CACNA1A: variants seen among roughly 807,000 people sequenced by gnomAD.
The protein encoded by CACNA1A is calcium voltage-gated channel subunit alpha1 A, also known as voltage-dependent P/Q-type calcium channel subunit alpha-1A.
In CACNA1A, 57 loss-of-function variants were observed where a neutral mutation model predicts 262.4. The ratio of observed to expected loss-of-function variants is 0.22; its 90% CI spans 0.18 to 0.27. The LOEUF (loss-of-function observed/expected upper bound fraction) is 0.27. Ranked by LOEUF, CACNA1A falls within the 10% of genes least tolerant of loss-of-function variation. The probability of loss-of-function intolerance (pLI) is 1.00; values close to 1 mark genes in which losing one functional copy is unlikely to be tolerated. For missense variants in CACNA1A, 2,526 were observed against 3,562.8 expected (o/e 0.71, Z 7.41); for synonymous variants, 1,431 against 1,419.3 (o/e 1.01, Z -0.18).
At chr19:13,334,033 T>G in intron 8 of CACNA1A, 1 of 210,738 alleles carries the variant, frequency 4.7e-6, no homozygotes. Context: ...TACTAAATAC[T>G]CCAATAGTAC....
chr19:13,360,895 T>C (rs1449269543), intron 5 of CACNA1A, among the ~76,000 whole-genome samples: 1 of 152,264 alleles, frequency 6.6e-6, no homozygotes, highest in Non-Finnish European at 1.5e-5. Flanking sequence ...TCCAGCTTAA[T>C]TGCATTACGG....
chr19:13,277,155 G>A (rs1486672723), intron 22 of CACNA1A, 27 bp from the exon 23 acceptor site: 1 of 1,552,356 alleles, frequency 6.4e-7, no homozygotes. Flanking sequence ...CAAGAGAGCA[G>A]TGGATCACTG....
intron 1 of CACNA1A, among the ~76,000 whole-genome samples, chr19:13,504,807 T>TACCC (rs1982819982): frequency 2.0e-5 from 3 of 152,004 alleles, no homozygotes; most frequent in Non-Finnish European, 4.4e-5. Flanking sequence ...CCCGACTAAT[T>TACCC]ACCCACCCTT....
At chr19:13,398,640 A>T (rs2059848352) in intron 3 of CACNA1A, among the ~76,000 whole-genome samples, 1 of 152,194 alleles carries the variant, frequency 6.6e-6, no homozygotes, top group African/African-American at 2.4e-5. Context: ...TTGGGTTTAT[A>T]TCCTGCCTGA....
intron 6 of CACNA1A, among the ~76,000 whole-genome samples, chr19:13,336,594 G>GGAGAGAGAGAGAGAGAGA (rs547329827): frequency 1.1e-4 from 7 of 65,492 alleles, no homozygotes; most frequent in African/African-American, 2.1e-4. Context: ...AGAGAGAGAG[G>GGAGAGAGAGAGAGAGAGA]GAGAGAGAGA....
chr19:13,223,827 C>T (rs2055331061), intron 38 of CACNA1A, among the ~76,000 whole-genome samples: 1 of 152,222 alleles, frequency 6.6e-6, no homozygotes, highest in Admixed American at 6.5e-5. Flanking sequence ...CTGGGTCCTC[C>T]CCTGCTTGGA....
intron 24 of CACNA1A, among the ~76,000 whole-genome samples, chr19:13,266,008 C>T (rs1376588544): frequency 6.6e-6 from 1 of 152,036 alleles, no homozygotes; most frequent in Admixed American, 6.6e-5. Context: ...TCACGTCCGG[C>T]TAATTTTGTA....
intron 1 of CACNA1A, among the ~76,000 whole-genome samples, chr19:13,492,415 T>C (rs1226598486): frequency 2.0e-5 from 3 of 152,170 alleles, no homozygotes; most frequent in Admixed American, 1.3e-4. Flanking sequence ...GCAAGCCTGA[T>C]TGGGCCACGT....
intron 1 of CACNA1A, among the ~76,000 whole-genome samples, chr19:13,464,777 T>G (rs1027155457): frequency 2.7e-4 from 41 of 152,122 alleles, no homozygotes; most frequent in African/African-American, 9.4e-4. Context: ...CTCGATCTCC[T>G]GACCTTGTGA....
intron 19 of CACNA1A, among the ~76,000 whole-genome samples, chr19:13,291,163 A>C (rs2057527435): frequency 6.6e-6 from 1 of 152,170 alleles, no homozygotes; most frequent in Non-Finnish European, 1.5e-5. Context: ...GGCCAGTTGC[A>C]TAACACCTGC....
At chr19:13,456,530 C>T (rs552957254) in intron 1 of CACNA1A, among the ~76,000 whole-genome samples, 3 of 152,120 alleles carry the variant, frequency 2.0e-5, no homozygotes, top group African/African-American at 7.2e-5. Context: ...AAAAATTAGC[C>T]GGGCGTGGTA....
At chr19:13,411,378 A>G (rs1313628153) in intron 3 of CACNA1A, among the ~76,000 whole-genome samples, 1 of 152,178 alleles carries the variant, frequency 6.6e-6, no homozygotes, top group Non-Finnish European at 1.5e-5. Context: ...GAGATAACTG[A>G]ATCATGGGGG....
At chr19:13,284,196 T>G (rs1448101735) in intron 21 of CACNA1A, 1 of 152,188 alleles carries the variant, frequency 6.6e-6, no homozygotes, top group African/African-American at 2.4e-5. Context: ...ACCTCAGTTT[T>G]TTCATCTGTC....
At chr19:13,230,323 C>T in intron 35 of CACNA1A, 114 bp from the exon 36 acceptor site, 3 of 1,078,804 alleles carry the variant, frequency 2.8e-6, no homozygotes, top group Non-Finnish European at 4.1e-6. Context: ...GACATGTACA[C>T]AGAGGCCCAG....
intron 3 of CACNA1A, among the ~76,000 whole-genome samples, chr19:13,445,761 T>TA (rs1485135178): frequency 6.6e-6 from 1 of 152,164 alleles, no homozygotes; most frequent in African/African-American, 2.4e-5. Flanking sequence ...AGAACACAAA[T>TA]ACAATAAAAA....
chr19:13,327,952 G>A (rs1269711367), intron 10 of CACNA1A, among the ~76,000 whole-genome samples: 1 of 152,148 alleles, frequency 6.6e-6, no homozygotes, highest in African/African-American at 2.4e-5. Context: ...ACGTTGCAGT[G>A]CAGTGGCACA....
intron 6 of CACNA1A, among the ~76,000 whole-genome samples, chr19:13,344,920 A>G (rs2058738266): frequency 6.8e-6 from 1 of 146,788 alleles, no homozygotes; most frequent in Non-Finnish European, 1.5e-5. Context: ...ACGCTCAGCT[A>G]ATTTTTTTGT....
intron 3 of CACNA1A, among the ~76,000 whole-genome samples, chr19:13,435,970 A>T (rs2060605451): frequency 6.6e-6 from 1 of 152,062 alleles, no homozygotes; most frequent in Admixed American, 6.6e-5. Context: ...GATTACAGGG[A>T]TGCACCACCA....
chr19:13,423,016 C>A (rs2060343184), intron 3 of CACNA1A, among the ~76,000 whole-genome samples: 1 of 152,212 alleles, frequency 6.6e-6, no homozygotes, highest in Admixed American at 6.5e-5. Context: ...CCCGTGAGCC[C>A]TTTTAGCAAA....
Sources: allele counts gnomAD v4.1 joint callset (sites outside exome capture counted in the v4.1 genomes callset), GRCh38; gene constraint gnomAD v4.1.1; transcripts MANE v1.5; gene names NCBI Gene and HGNC (gene_info 2026-07-23, HGNC 2026-07-21).